The following CACNA2D1 variants were observed in gnomAD, a reference collection of about 807,000 sequenced individuals.
CACNA2D1 encodes the protein voltage-dependent calcium channel subunit alpha-2/delta-1.
CACNA2D1 carries 53 observed loss-of-function variants against 171.5 expected under a neutral mutation model. The observed-to-expected ratio is 0.31, with a 90% CI of 0.25 to 0.39. CACNA2D1 has a LOEUF of 0.39. Among genes scored for constraint, CACNA2D1 ranks in the 10% least tolerant of loss-of-function variants. The probability of loss-of-function intolerance (pLI) is 1.00; values close to 1 mark genes in which losing one functional copy is unlikely to be tolerated. For synonymous variants in CACNA2D1, 442 were observed against 443.1 expected, an observed-to-expected ratio of 1.00 and a Z score of 0.03; for missense variants, 903 against 1,299.8, an observed-to-expected ratio of 0.69 and a Z score of 4.69.
At chr7:82,154,239 A>G (rs11982397) in intron 4 of CACNA2D1, among the ~76,000 whole-genome samples, 54,762 of 152,112 alleles carry the variant, frequency 0.36, 10,013 homozygotes, top group African/African-American at 0.41. Flanking sequence ...TTGTATAAAA[A>G]GCAGACAATA....
intron 12 of CACNA2D1, among the ~76,000 whole-genome samples, chr7:82,026,637 A>C: frequency 6.6e-6 from 1 of 151,834 alleles, no homozygotes; most frequent in Admixed American, 6.6e-5. Flanking sequence ...ATAAACAATT[A>C]TCTTTGTTAT....
intron 6 of CACNA2D1, among the ~76,000 whole-genome samples, chr7:82,093,972 T>C (rs144697562): frequency 3.9e-4 from 60 of 152,282 alleles, no homozygotes; most frequent in Non-Finnish European, 4.7e-4. Flanking sequence ...ACTGCTGAAT[T>C]CACAAAGAAG....
chr7:82,219,346 T>G (rs941152505), intron 3 of CACNA2D1, among the ~76,000 whole-genome samples: 3 of 152,138 alleles, frequency 2.0e-5, no homozygotes, highest in Non-Finnish European at 2.9e-5. Context: ...GAAATAAGCA[T>G]AATTGGTTCT....
At chr7:81,971,710 A>G in intron 26 of CACNA2D1, 67 bp downstream of exon 26, 1 of 907,228 alleles carries the variant, frequency 1.1e-6, no homozygotes, top group Non-Finnish European at 1.8e-6. Context: ...TTCATACCCA[A>G]TTTCCACAGG....
chr7:82,249,895 G>T (rs1298203042), intron 3 of CACNA2D1, among the ~76,000 whole-genome samples: 1 of 152,188 alleles, frequency 6.6e-6, no homozygotes, highest in African/African-American at 2.4e-5. Flanking sequence ...GAAAATGATT[G>T]GTGAGTAGGT....
intron 1 of CACNA2D1, among the ~76,000 whole-genome samples, chr7:82,356,640 A>G (rs1820454997): frequency 6.6e-6 from 1 of 152,144 alleles, no homozygotes; most frequent in Non-Finnish European, 1.5e-5. Context: ...TTGAAATGAA[A>G]TGCAATTGCA....
At chr7:82,170,716 AGAT>A (rs1795933099) in intron 3 of CACNA2D1, 107 bp from the exon 4 acceptor site, 3 of 944,258 alleles carry the variant, frequency 3.2e-6, no homozygotes, top group South Asian at 1.3e-5. Flanking sequence ...AAAAAGCAGA[AGAT>A]GATCCTTATT....
intron 12 of CACNA2D1, chr7:82,028,312 A>T (rs1456878489): frequency 6.6e-6 from 1 of 151,808 alleles, no homozygotes; most frequent in Non-Finnish European, 1.5e-5. Flanking sequence ...GAATATTTTG[A>T]GCCCACTATT....
At chr7:82,055,135 T>C (rs2131337864) in intron 10 of CACNA2D1, among the ~76,000 whole-genome samples, 1 of 152,318 alleles carries the variant, frequency 6.6e-6, no homozygotes, top group South Asian at 2.1e-4. Flanking sequence ...GGCAGCTTTC[T>C]ATGCAAAAGT....
At chr7:82,377,358 T>G (rs1823132236) in intron 1 of CACNA2D1, among the ~76,000 whole-genome samples, 1 of 152,206 alleles carries the variant, frequency 6.6e-6, no homozygotes, top group Non-Finnish European at 1.5e-5. Flanking sequence ...AGGATTCAAC[T>G]CTCCATGCTG....
At chr7:82,021,930 CACAA>C (rs1562881727) in intron 12 of CACNA2D1, among the ~76,000 whole-genome samples, 1 of 151,894 alleles carries the variant, frequency 6.6e-6, no homozygotes, top group South Asian at 2.1e-4. Flanking sequence ...AACATTTTAA[CACAA>C]ACAATGGGCA....
chr7:82,269,668 T>C (rs1012433438), intron 3 of CACNA2D1, among the ~76,000 whole-genome samples: 1 of 152,176 alleles, frequency 6.6e-6, no homozygotes, highest in African/African-American at 2.4e-5. Flanking sequence ...TCTACATCCT[T>C]TGTACCCAGC....
chr7:82,000,565 T>C (rs978400080), intron 18 of CACNA2D1, among the ~76,000 whole-genome samples: 1 of 151,774 alleles, frequency 6.6e-6, no homozygotes, highest in East Asian at 1.9e-4. Flanking sequence ...TAATAACATA[T>C]TACCTCTTCA....
chr7:82,093,495 A>G (rs1357814281), intron 6 of CACNA2D1, among the ~76,000 whole-genome samples: 1 of 151,976 alleles, frequency 6.6e-6, no homozygotes, highest in Non-Finnish European at 1.5e-5. Context: ...TCTTACCCCA[A>G]CCCCAGTAAT....
At chr7:81,960,735 C>T (rs1020892106) in intron 36 of CACNA2D1, among the ~76,000 whole-genome samples, 2 of 151,956 alleles carry the variant, frequency 1.3e-5, no homozygotes, top group Non-Finnish European at 2.9e-5. Context: ...TCTTTAAGCA[C>T]ACCAATTGCT....
chr7:82,271,392 T>C (rs1438150562), intron 3 of CACNA2D1, among the ~76,000 whole-genome samples: 1 of 152,146 alleles, frequency 6.6e-6, no homozygotes, highest in Non-Finnish European at 1.5e-5. Flanking sequence ...TCAAATTTTA[T>C]TTCCTTTATC....
chr7:82,415,317 T>C (rs1018233530), intron 1 of CACNA2D1, among the ~76,000 whole-genome samples: 9 of 152,090 alleles, frequency 5.9e-5, no homozygotes, highest in Admixed American at 5.9e-4. Flanking sequence ...GCGGATCACC[T>C]GAGGTCAGGA....
intron 5 of CACNA2D1, among the ~76,000 whole-genome samples, chr7:82,134,046 C>A (rs563379049): frequency 6.6e-6 from 1 of 151,652 alleles, no homozygotes; most frequent in South Asian, 2.1e-4. Context: ...GTACTCCAGC[C>A]TGGGCGACAG....
intron 3 of CACNA2D1, among the ~76,000 whole-genome samples, chr7:82,215,580 A>G (rs1801015647): frequency 6.6e-6 from 1 of 152,140 alleles, no homozygotes; most frequent in Admixed American, 6.5e-5. Flanking sequence ...ATTAAGCTCT[A>G]ATGTAGGTCA....
Sources: gnomAD v4.1 joint callset for allele counts (sites outside exome capture counted in the v4.1 genomes callset) on GRCh38, gnomAD v4.1.1 for gene constraint, MANE v1.5 for transcripts, NCBI Gene and HGNC (gene_info 2026-07-23, HGNC 2026-07-21) for gene names.